Variants in PITPNM3 observed in about 807,000 individuals in gnomAD.
The protein encoded by PITPNM3 is PITPNM family member 3, also known as membrane-associated phosphatidylinositol transfer protein 3.
Under a neutral mutation model 102.0 loss-of-function variants are expected in PITPNM3, and 26 were observed. The observed-to-expected ratio is 0.25, with a 90% confidence interval of 0.19 to 0.35. The LOEUF (loss-of-function observed/expected upper bound fraction) is 0.35. PITPNM3 is among the 10% of genes least tolerant of loss of function. The probability of loss-of-function intolerance (pLI) is 1.00; values close to 1 mark genes in which losing one functional copy is unlikely to be tolerated. For synonymous variants in PITPNM3, 578 were observed against 558.6 expected (o/e 1.03, Z -0.49); for missense variants, 1,083 against 1,346.1 (o/e 0.80, Z 3.06).
chr17:6,542,772 G>A (rs959975122), intron 1 of PITPNM3, among the ~76,000 whole-genome samples: 1 of 152,208 alleles, frequency 6.6e-6, no homozygotes, highest in African/African-American at 2.4e-5. Context: ...GGGCTTCCAG[G>A]CAGCTGCCAG....
At chr17:6,474,760 C>T (rs552451441) in intron 9 of PITPNM3, among the ~76,000 whole-genome samples, 156 bp from the exon 10 acceptor site, 259 of 152,356 alleles carry the variant, frequency 1.7e-3, no homozygotes, top group South Asian at 5.0e-3. Context: ...ACACCACCTA[C>T]AGTCAGCACT....
intron 18 of PITPNM3, among the ~76,000 whole-genome samples, chr17:6,461,166 T>C (rs16942699): frequency 0.096 from 14,582 of 152,222 alleles, 1,061 homozygotes; most frequent in African/African-American, 0.2. Context: ...TAGGGCAAGT[T>C]GCCGGAGCCT....
intron 1 of PITPNM3, among the ~76,000 whole-genome samples, chr17:6,551,851 G>A (rs373961901): frequency 2.6e-5 from 4 of 152,184 alleles, no homozygotes; most frequent in South Asian, 2.1e-4. Flanking sequence ...GGGCCCAGGA[G>A]AAGTCTCGCT....
intron 3 of PITPNM3, among the ~76,000 whole-genome samples, chr17:6,518,310 A>C (rs1384557871): frequency 6.6e-6 from 1 of 152,176 alleles, no homozygotes; most frequent in African/African-American, 2.4e-5. Flanking sequence ...AACCCTGTGG[A>C]ATGTGTCCAA....
chr17:6,490,446 G>A (rs889877749), intron 4 of PITPNM3, among the ~76,000 whole-genome samples: 6 of 152,282 alleles, frequency 3.9e-5, no homozygotes, highest in African/African-American at 7.2e-5. Flanking sequence ...TCCAGACCCA[G>A]CAGAATTTGG....
chr17:6,520,797 C>T (rs138409804), intron 3 of PITPNM3, among the ~76,000 whole-genome samples: 1 of 152,188 alleles, frequency 6.6e-6, no homozygotes, highest in Non-Finnish European at 1.5e-5. Context: ...GAAAGTTACT[C>T]AGCCCCCAAA....
intron 1 of PITPNM3, among the ~76,000 whole-genome samples, chr17:6,543,531 C>T (rs1221572437): frequency 6.6e-6 from 1 of 152,234 alleles, no homozygotes; most frequent in African/African-American, 2.4e-5. Flanking sequence ...ACGCCCTGAC[C>T]GTAAGATGCA....
rs201691185 is a variant in PITPNM3, at chr17:6,477,258, C to T, written c.901-45G>A. The T allele has an allele frequency of 5.0e-5, 80 of 1,593,964 alleles. No homozygotes were observed. In the African/African-American group the frequency reaches 7.5e-4, roughly 15 times the overall value. ...ACAGGAGAGAAAAAGACTGTTGTCACGGGAGACTCTGGGGCCTTGTCTCCT... is the reference window on the plus strand; with the variant it reads ...ACAGGAGAGAAAAAGACTGTTGTCATGGGAGACTCTGGGGCCTTGTCTCCT... On this transcript the variant is annotated intron_variant, in intron 8 of 19. Transcript: ENST00000262483.
intron 19 of PITPNM3, 26 bp from the exon 20 acceptor site, chr17:6,455,669 G>GAGGGC (rs781462082): frequency 1.3e-4 from 186 of 1,387,380 alleles, no homozygotes; most frequent in South Asian, 5.4e-4. Context: ...GAGGGCAGGG[G>GAGGGC]AGGGCAGGGC....
At position 6,453,083 on chromosome 17, in the gene PITPNM3, T is replaced by G; in HGVS notation, c.*2255A>C. 1 of 150,864 alleles carries G rather than the reference T, an allele frequency of 6.6e-6. No homozygotes were observed. The highest frequency in any genetic ancestry group is 2.4e-5 in the African/African-American group (1 of 40,978). 9.3% of individuals were successfully genotyped at this position (150,864 alleles called of 1,614,324 possible). ...GCCTTCCTCTCTCTGTCTTCCTTTC[T>G]TTCCTCTGTCTTCCTTTCTTTCTCT... is the stretch of plus-strand genomic sequence containing the variant. On this transcript the variant is annotated 3_prime_UTR_variant, in exon 20 of 20. Coordinates refer to ENST00000262483, the MANE Select transcript of PITPNM3 (RefSeq NM_031220.4).
chr17:6,512,274 A>G (rs1567682718), intron 3 of PITPNM3, among the ~76,000 whole-genome samples: 1 of 152,202 alleles, frequency 6.6e-6, no homozygotes, highest in African/African-American at 2.4e-5. Context: ...GGTTTCAGTA[A>G]ACAGACATAT....
chr17:6,499,728 A>G (rs1355647497), intron 4 of PITPNM3, among the ~76,000 whole-genome samples: 2 of 151,564 alleles, frequency 1.3e-5, no homozygotes, highest in Non-Finnish European at 1.5e-5. Flanking sequence ...TTATTTATTT[A>G]TTTATATTTT....
intron 1 of PITPNM3, among the ~76,000 whole-genome samples, chr17:6,547,831 G>T (rs1910105983): frequency 6.6e-6 from 1 of 151,842 alleles, no homozygotes; most frequent in South Asian, 2.1e-4. Flanking sequence ...CGCCTCCCAG[G>T]TTCTCTCCTG....
At position 6,470,123 on chromosome 17, in the gene PITPNM3, C is replaced by T; in HGVS notation, c.1773+137G>A. On this transcript the variant is annotated intron_variant, in intron 13 of 19. Coordinates refer to ENST00000262483, the MANE Select transcript of PITPNM3 (RefSeq NM_031220.4). This position sits in a 1 kb window ranked among gnomAD's most constrained non-coding sequence, Gnocchi z 4.8. ...TCACTCCCCACTCACGTAGGTGCTC[C>T]AATGCCTTCCTCATGCTCTTAGGAT... The T allele has an allele frequency of 9.7e-7, 1 of 1,028,434 alleles. No homozygotes were observed. Among genetic ancestry groups the T allele is most frequent in the East Asian group, 2.6e-5 (1 of 38,288 alleles). 63.7% of individuals were successfully genotyped at this position (1,028,434 alleles called of 1,614,324 possible). A position where few individuals can be genotyped will look rare whatever the true frequency, so the allele number is the denominator to read the frequency against.
chr17:6,508,308 T>TGGCTTGCCTAGTGCTTTCC (rs1907665560), intron 3 of PITPNM3, among the ~76,000 whole-genome samples: 1 of 152,274 alleles, frequency 6.6e-6, no homozygotes, highest in African/African-American at 2.4e-5. Flanking sequence ...AGGTGCTTTC[T>TGGCTTGCCTAGTGCTTTCC]GGCTTGCCTA....
chr17:6,462,988 G>C (rs762427357), intron 17 of PITPNM3, among the ~76,000 whole-genome samples: 2 of 152,100 alleles, frequency 1.3e-5, no homozygotes, highest in Non-Finnish European at 2.9e-5. Context: ...AGTGGGAGGG[G>C]GACTGTGACG....
intron 4 of PITPNM3, among the ~76,000 whole-genome samples, chr17:6,488,488 A>G (rs1298602932): frequency 1.3e-5 from 2 of 152,294 alleles, no homozygotes; most frequent in African/African-American, 4.8e-5. Flanking sequence ...AATAGAGTTT[A>G]CCAGTTTTCA....
Position 6,503,575 on chromosome 17 carries a change from C to T in PITPNM3, c.227-1G>A. The T allele has an allele frequency of 6.2e-7, 1 of 1,609,438 alleles. No homozygotes were observed. The highest frequency in any genetic ancestry group is 8.5e-7 in the Non-Finnish European group (1 of 1,179,958). On this transcript the variant is annotated splice_acceptor_variant, in intron 3 of 19. Coordinates refer to ENST00000262483, the MANE Select transcript of PITPNM3 (RefSeq NM_031220.4). LOFTEE classifies it high-confidence loss of function. ...GATGTGCACGGCGCGGTCCCTTCTC[C>T]TGCAGAAAAAGAAAAGAAACATGAG...
At chr17:6,493,630 C>T (rs530566808) in intron 4 of PITPNM3, among the ~76,000 whole-genome samples, 12 of 152,194 alleles carry the variant, frequency 7.9e-5, no homozygotes, top group African/African-American at 2.9e-4. Context: ...GAGCTGGTGG[C>T]TGAGGTCCCT....
Sources: allele counts gnomAD v4.1 joint callset (sites outside exome capture counted in the v4.1 genomes callset), GRCh38; gene constraint gnomAD v4.1.1; non-coding constraint Gnocchi (gnomAD v3.1); transcripts MANE v1.5; gene names NCBI Gene and HGNC (gene_info 2026-07-23, HGNC 2026-07-21).